PSD3: variants seen among roughly 807,000 people sequenced by gnomAD.
PSD3 encodes PH and SEC7 domain-containing protein 3.
A neutral mutation model predicts 105.5 loss-of-function variants in PSD3; 49 were observed. The ratio of observed to expected loss-of-function variants is 0.46; its 90% CI spans 0.37 to 0.59. PSD3 has a LOEUF of 0.59. Ranked by LOEUF, PSD3 falls within the 20% of genes least tolerant of loss-of-function variation. The pLI is 0.00. For missense variants in PSD3, 1,561 were observed against 1,263.8 expected (o/e 1.24, Z -3.57); for synonymous variants, 557 against 457.8 (o/e 1.22, Z -2.77).
chr8:18,992,505 T>A (rs757391462), intron 1 of PSD3, among the ~76,000 whole-genome samples: 2 of 152,118 alleles, frequency 1.3e-5, no homozygotes, highest in African/African-American at 4.8e-5. Context: ...ATGCACAAGT[T>A]TCCAGGGAAA....
chr8:18,675,288 G>A (rs1307448431), intron 9 of PSD3, among the ~76,000 whole-genome samples: 1 of 152,182 alleles, frequency 6.6e-6, no homozygotes, highest in Admixed American at 6.5e-5. Flanking sequence ...TAAACACCTT[G>A]GCCTGCCCCA....
intron 1 of PSD3, among the ~76,000 whole-genome samples, chr8:18,945,923 G>T (rs181108500): frequency 6.6e-6 from 1 of 152,098 alleles, no homozygotes; most frequent in Non-Finnish European, 1.5e-5. Context: ...GCCGTGAGCC[G>T]AGATCGCGCC....
intron 3 of PSD3, among the ~76,000 whole-genome samples, 166 bp downstream of exon 3, chr8:18,871,460 G>C (rs1208089752): frequency 6.6e-6 from 1 of 152,170 alleles, no homozygotes; most frequent in African/African-American, 2.4e-5. Context: ...AGAAGCTTAG[G>C]AGGAATCTTA....
At chr8:18,820,191 G>C (rs1056117546) in intron 4 of PSD3, among the ~76,000 whole-genome samples, 5 of 110,582 alleles carry the variant, frequency 4.5e-5, no homozygotes, top group African/African-American at 1.0e-4. Flanking sequence ...TTTTTTTCTT[G>C]ATTTTGTATT....
chr8:18,995,141 T>G (rs2129473822), intron 1 of PSD3, among the ~76,000 whole-genome samples: 2 of 152,272 alleles, frequency 1.3e-5, no homozygotes, highest in East Asian at 3.8e-4. Flanking sequence ...CCAGAGAATT[T>G]AAAAGCTGAC....
intron 9 of PSD3, among the ~76,000 whole-genome samples, chr8:18,759,518 T>G (rs1806338170): frequency 6.6e-6 from 1 of 152,194 alleles, no homozygotes; most frequent in African/African-American, 2.4e-5. Flanking sequence ...AGAGACTGTT[T>G]CAGCTAATTT....
At chr8:18,773,065 T>C (rs531007081) in intron 8 of PSD3, among the ~76,000 whole-genome samples, 69 of 152,302 alleles carry the variant, frequency 4.5e-4, no homozygotes, top group Middle Eastern at 3.4e-3. Flanking sequence ...CCTGTGCTTT[T>C]GGTGTCACAG....
Position 18,630,489 on chromosome 8 carries a change from T to G in PSD3, c.2410+2124A>C, listed in dbSNP as rs148463143. On this transcript the variant is annotated intron_variant, in intron 11 of 15. Transcript: ENST00000327040. The stretch of plus-strand genomic sequence containing the variant: ...AATTTTATCAGTAGAATCTGGGACT[T>G]TGGAATAAACTAACCAATTAAGTCA... Among the ~76,000 whole-genome samples, 724 of 152,002 alleles carry G rather than the reference T, an allele frequency of 4.8e-3. 1 individual carries two copies. The highest frequency in any genetic ancestry group is 8.1e-3 in the Non-Finnish European group (553 of 67,910).
intron 12 of PSD3, among the ~76,000 whole-genome samples, chr8:18,589,914 G>T (rs184680965): frequency 3.3e-5 from 5 of 152,154 alleles, no homozygotes; most frequent in African/African-American, 1.2e-4. Context: ...CTTGCCTTCC[G>T]TTCTTACTTA....
intron 9 of PSD3, among the ~76,000 whole-genome samples, chr8:18,662,027 T>A (rs1328314083): frequency 6.6e-6 from 1 of 152,128 alleles, no homozygotes; most frequent in Non-Finnish European, 1.5e-5. Flanking sequence ...GATGTAGTTT[T>A]GAAATCGAGT....
At chr8:19,071,772 G>A (rs1393267229) in intron 1 of PSD3, among the ~76,000 whole-genome samples, 1 of 152,074 alleles carries the variant, frequency 6.6e-6, no homozygotes, top group Admixed American at 6.5e-5. Context: ...CCAGGCTGGA[G>A]TGCAATGGCT....
chr8:18,680,168 T>C (rs1228836695), intron 9 of PSD3, among the ~76,000 whole-genome samples: 3 of 152,168 alleles, frequency 2.0e-5, no homozygotes, highest in African/African-American at 4.8e-5. Context: ...TGACAAATAT[T>C]TAGACTCAGA....
rs774744775 is a variant in PSD3 at position 18,528,642 on chromosome 8, C to T, written c.*7101G>A. The T allele has an allele frequency of 6.6e-5, 10 of 152,500 alleles. No homozygotes were observed. Among genetic ancestry groups the T allele is most frequent in the Non-Finnish European group, 1.3e-4 (9 of 68,070 alleles). The allele number at this position is 152,500 out of a possible 1,614,324, so 9.4% of individuals were successfully genotyped here. A position where few individuals can be genotyped will look rare whatever the true frequency, so the allele number is the denominator to read the frequency against. On this transcript the variant is annotated 3_prime_UTR_variant, in exon 16 of 16. Transcript: ENST00000327040. ...TGTTATCACCACTCTCTGCAGGGCTCTGGTGTTCAGGACTCAGAGCAGTGA... is the reference window on the plus strand; with the variant it reads ...TGTTATCACCACTCTCTGCAGGGCTTTGGTGTTCAGGACTCAGAGCAGTGA...
intron 9 of PSD3, among the ~76,000 whole-genome samples, chr8:18,668,950 T>C (rs1217950664): frequency 2.0e-5 from 3 of 152,232 alleles, no homozygotes; most frequent in African/African-American, 7.2e-5. Flanking sequence ...TAAAAAATAA[T>C]GTTTTCACAG....
At chr8:18,616,022 T>C (rs1226796234) in intron 11 of PSD3, among the ~76,000 whole-genome samples, 2 of 152,066 alleles carry the variant, frequency 1.3e-5, no homozygotes, top group Admixed American at 6.5e-5. Context: ...CCAAGGAATA[T>C]AACAGCCTCA....
At chr8:18,688,973 A>C (rs2130985101) in intron 9 of PSD3, among the ~76,000 whole-genome samples, 1 of 152,366 alleles carries the variant, frequency 6.6e-6, no homozygotes, top group East Asian at 1.9e-4. Context: ...GGAGACATTT[A>C]ATGAAGCAAA....
At chr8:18,795,864 T>C (rs911592685) in intron 8 of PSD3, among the ~76,000 whole-genome samples, 1 of 152,224 alleles carries the variant, frequency 6.6e-6, no homozygotes, top group Non-Finnish European at 1.5e-5. Context: ...TTTCAACTCT[T>C]ACCTTGTTGA....
chr8:19,000,939 A>T (rs1202069290), intron 1 of PSD3: 1 of 151,926 alleles, frequency 6.6e-6, no homozygotes, highest in Admixed American at 6.6e-5. Flanking sequence ...AAAGTGGGGC[A>T]TAAGTGGGGA....
chr8:18,577,704 TCAA>T (rs1176520165), intron 12 of PSD3, among the ~76,000 whole-genome samples: 1 of 152,082 alleles, frequency 6.6e-6, no homozygotes, highest in African/African-American at 2.4e-5. Context: ...CTCACCCACA[TCAA>T]CAAGATAAGA....
Sources: gnomAD v4.1 joint callset for allele counts (sites outside exome capture counted in the v4.1 genomes callset) on GRCh38, gnomAD v4.1.1 for gene constraint, MANE v1.5 for transcripts, NCBI Gene and HGNC (gene_info 2026-07-23, HGNC 2026-07-21) for gene names.